Variants in LRTM1 observed in about 807,000 individuals in gnomAD.
LRTM1 encodes leucine-rich repeat and transmembrane domain-containing protein 1.
A neutral mutation model predicts 32.4 loss-of-function variants in LRTM1; 38 were observed. The observed-to-expected ratio is 1.17, with a 90% CI of 0.91 to 1.54. The LOEUF is 1.54. Ranked by LOEUF, LRTM1 falls within the 40% of genes most tolerant of loss-of-function variation. The probability of loss-of-function intolerance (pLI) is 0.00; values close to 1 mark genes in which losing one functional copy is unlikely to be tolerated. For synonymous variants in LRTM1, 186 were observed against 169.9 expected, an observed-to-expected ratio of 1.09 and a Z score of -0.74; for missense variants, 466 against 415.4, an observed-to-expected ratio of 1.12 and a Z score of -1.06.
upstream of LRTM1, among the ~76,000 whole-genome samples, chr3:54,932,996 A>G (rs1311383090): frequency 6.6e-6 from 1 of 152,126 alleles, no homozygotes; most frequent in Non-Finnish European, 1.5e-5. Context: ...CCAGGTACAC[A>G]GTTTATACAG....
chr3:54,926,008 G>A (rs1575380889), intron 1 of LRTM1, among the ~76,000 whole-genome samples: 3 of 152,226 alleles, frequency 2.0e-5, no homozygotes, highest in Admixed American at 2.0e-4. Flanking sequence ...TCCTTCATGG[G>A]TTATTGTACT....
At chr3:54,963,278 G>T (rs970143304) in intron 1 of LRTM1, among the ~76,000 whole-genome samples, 1 of 152,082 alleles carries the variant, frequency 6.6e-6, no homozygotes, top group Non-Finnish European at 1.5e-5. Context: ...CTGGGGAGTG[G>T]TAGTATGGAC....
intron 1 of LRTM1, among the ~76,000 whole-genome samples, chr3:54,939,810 C>A (rs1444830127): frequency 6.6e-6 from 1 of 152,154 alleles, no homozygotes; most frequent in East Asian, 1.9e-4. Flanking sequence ...TGGGCCTGCT[C>A]CTGCCCTTCG....
At chr3:54,933,695 T>G (rs919160011) in intron 1 of LRTM1, among the ~76,000 whole-genome samples, 20 of 152,286 alleles carry the variant, frequency 1.3e-4, no homozygotes, top group African/African-American at 4.6e-4. Context: ...TTTCCCATAC[T>G]TTCTTCAAAA....
chr3:54,930,994 G>T (rs188092018), upstream of LRTM1, among the ~76,000 whole-genome samples: 1 of 151,446 alleles, frequency 6.6e-6, no homozygotes, highest in East Asian at 1.9e-4. Flanking sequence ...TACTCAGGAG[G>T]CTGAGGCAGG....
rs150915214 is a variant in LRTM1 at position 54,921,742 on chromosome 3, G to A, written c.605-2850C>T. On this transcript the variant is annotated intron_variant, in intron 2 of 2. Coordinates refer to ENST00000273286, the MANE Select transcript of LRTM1 (RefSeq NM_020678.4). The stretch of plus-strand genomic sequence containing the variant: ...CTTGGCGACATCACAAGCTCGAGGG[G>A]TCTTATGTCCCTAAATGACTGCATG... Among the ~76,000 whole-genome samples, 16 of 152,204 alleles carry A rather than the reference G, an allele frequency of 1.1e-4. No individual in the cohort carries two copies. The East Asian group carries it at 2.7e-3, about 26-fold the overall frequency.
intron 1 of LRTM1, among the ~76,000 whole-genome samples, chr3:54,947,071 C>T (rs1472771983): frequency 6.6e-6 from 1 of 152,148 alleles, no homozygotes; most frequent in Non-Finnish European, 1.5e-5. Flanking sequence ...ATCTTCCATT[C>T]TAGGAAAATA....
intron 1 of LRTM1, among the ~76,000 whole-genome samples, chr3:54,938,886 G>T (rs1288080656): frequency 6.6e-6 from 1 of 152,078 alleles, no homozygotes; most frequent in African/African-American, 2.4e-5. Flanking sequence ...TGTGCCATGG[G>T]CAGTGGACAT....
rs530182214 is a variant in LRTM1, at chr3:54,937,891, G to T, written c.-221-12676C>A. On this transcript the variant is annotated intron_variant, in intron 1 of 2. Coordinates refer to the LRTM1 transcript ENST00000493075. ...GTGCTGGAGAAGGGGTGAGAGGCTGGTTGCTGTCCCCGACCTCATCTCCCG... is the reference window on the plus strand; with the variant it reads ...GTGCTGGAGAAGGGGTGAGAGGCTGTTTGCTGTCCCCGACCTCATCTCCCG... Among the ~76,000 whole-genome samples the T allele has an allele frequency of 7.2e-5, 11 of 152,240 alleles. No individual in the cohort carries two copies. The South Asian group carries it at 2.3e-3, about 32-fold the overall frequency.
At chr3:54,954,791 T>C (rs1370275696) in intron 1 of LRTM1, among the ~76,000 whole-genome samples, 1 of 152,178 alleles carries the variant, frequency 6.6e-6, no homozygotes, top group East Asian at 1.9e-4. Flanking sequence ...AAGCATGGAA[T>C]GCTTTAGCTG....
At chr3:54,954,262 T>A (rs1227990813) in intron 1 of LRTM1, among the ~76,000 whole-genome samples, 1 of 152,164 alleles carries the variant, frequency 6.6e-6, no homozygotes, top group African/African-American at 2.4e-5. Context: ...AGTCGGCAGC[T>A]CCCTGGGCCT....
intron 2 of LRTM1, among the ~76,000 whole-genome samples, chr3:54,922,096 T>A (rs1475310358): frequency 6.6e-6 from 1 of 152,178 alleles, no homozygotes; most frequent in East Asian, 1.9e-4. Flanking sequence ...CTGTGATCTG[T>A]ACTCATGCAG....
chr3:54,953,983 G>A (rs1701820668), intron 1 of LRTM1, among the ~76,000 whole-genome samples: 1 of 152,222 alleles, frequency 6.6e-6, no homozygotes, highest in African/African-American at 2.4e-5. Context: ...ACAGATTTCA[G>A]GAGTGCCATC....
chr3:54,950,417 C>T (rs556244742), intron 1 of LRTM1, among the ~76,000 whole-genome samples: 1 of 152,156 alleles, frequency 6.6e-6, no homozygotes, highest in African/African-American at 2.4e-5. Flanking sequence ...TTTTAGGGAA[C>T]CTGTGTATGC....
At chr3:54,930,329 T>C (rs1393279628), upstream of LRTM1, among the ~76,000 whole-genome samples, 1 of 152,196 alleles carries the variant, frequency 6.6e-6, no homozygotes, top group East Asian at 1.9e-4. Context: ...AGATGATCTT[T>C]AAGGCCTTCT....
At chr3:54,955,961 G>A (rs1271497519) in intron 1 of LRTM1, among the ~76,000 whole-genome samples, 1 of 152,176 alleles carries the variant, frequency 6.6e-6, no homozygotes, top group African/African-American at 2.4e-5. Flanking sequence ...CCACTCCAGG[G>A]CTGACTCCCA....
In LRTM1 at chr3:54,918,341, T is replaced by TC. The variant is rs1220735545; in HGVS notation, c.*117_*118insG. ...CACATCTTTTTTTTTTCTTTTTTTTTTTTTTTTTTTTTTTGTCTTTTGGCA... is the reference window on the plus strand; with the variant it reads ...CACATCTTTTTTTTTTCTTTTTTTTTCTTTTTTTTTTTTTTGTCTTTTGGCA... On this transcript the variant is annotated 3_prime_UTR_variant, in exon 3 of 3. Coordinates refer to ENST00000273286, the MANE Select transcript of LRTM1 (RefSeq NM_020678.4). 3.8e-5 allele frequency: 14 copies of TC among 368,206 alleles called. No homozygotes were observed. The highest frequency in any genetic ancestry group is 9.1e-5 in the African/African-American group (4 of 43,768). 22.8% of individuals were successfully genotyped at this position (368,206 alleles called of 1,614,324 possible).
chr3:54,925,950 A>C (rs192343840), intron 1 of LRTM1, among the ~76,000 whole-genome samples: 1 of 152,366 alleles, frequency 6.6e-6, no homozygotes, highest in African/African-American at 2.4e-5. Flanking sequence ...ATGGAAAAGC[A>C]TTAAGAATAG....
chr3:54,924,401 C>T (rs374231893), intron 2 of LRTM1, among the ~76,000 whole-genome samples: 4 of 152,168 alleles, frequency 2.6e-5, no homozygotes, highest in African/African-American at 7.2e-5. Flanking sequence ...AAAGTTATCT[C>T]CATGCAACAT....
Sources: gnomAD v4.1 joint callset for allele counts (sites outside exome capture counted in the v4.1 genomes callset) on GRCh38, gnomAD v4.1.1 for gene constraint, MANE v1.5 for transcripts, NCBI Gene and HGNC (gene_info 2026-07-23, HGNC 2026-07-21) for gene names.